The following CFAP54 variants were observed in gnomAD, a reference collection of about 807,000 sequenced individuals.
The protein encoded by CFAP54 is cilia and flagella associated protein 54.
Under a neutral mutation model 370.4 loss-of-function variants are expected in CFAP54, and 290 were observed. The observed-to-expected ratio is 0.78, with a 90% CI of 0.71 to 0.86. CFAP54 has a LOEUF of 0.86. CFAP54 is among the 40% of genes least tolerant of loss of function. CFAP54 has a pLI of 0.00. For synonymous variants in CFAP54, 1,206 were observed against 1,236.5 expected (o/e 0.98, Z 0.52); for missense variants, 3,399 against 3,528.7 (o/e 0.96, Z 0.93).
At chr12:96,645,437 A>G (rs1028417024) in intron 33 of CFAP54, 10 of 213,830 alleles carry the variant, frequency 4.7e-5, no homozygotes, top group South Asian at 2.1e-4. Context: ...CCACTGCTCA[A>G]TGAAATAAAA....
At chr12:96,542,758 G>A (rs1218734778) in intron 14 of CFAP54, among the ~76,000 whole-genome samples, 2 of 152,118 alleles carry the variant, frequency 1.3e-5, no homozygotes, top group Non-Finnish European at 2.9e-5. Context: ...GAATAATTCC[G>A]ATGTCCCTGA....
chr12:96,506,695 T>C (rs959194411), intron 3 of CFAP54, among the ~76,000 whole-genome samples: 3 of 151,522 alleles, frequency 2.0e-5, no homozygotes, highest in South Asian at 4.2e-4. Flanking sequence ...CAAACGATTC[T>C]CCTGCCTCAG....
At chr12:96,557,202 G>A (rs1050787447) in intron 17 of CFAP54, among the ~76,000 whole-genome samples, 5 of 152,118 alleles carry the variant, frequency 3.3e-5, no homozygotes, top group Non-Finnish European at 5.9e-5. Flanking sequence ...CAAAGGCAAC[G>A]ATGACCAATT....
chr12:96,779,004 G>T (rs1958553794), intron 60 of CFAP54, among the ~76,000 whole-genome samples: 1 of 151,850 alleles, frequency 6.6e-6, no homozygotes, highest in Non-Finnish European at 1.5e-5. Context: ...GTTACTGGGA[G>T]GCTGAGGCAG....
chr12:96,507,156 T>G, intron 4 of CFAP54, 57 bp downstream of exon 4: 1 of 1,315,904 alleles, frequency 7.6e-7, no homozygotes, highest in Non-Finnish European at 1.0e-6. Context: ...ACTTCAATGC[T>G]AAGTTTGACA....
chr12:96,664,104 A>G (rs1957028601), intron 39 of CFAP54, among the ~76,000 whole-genome samples, 172 bp downstream of exon 39: 1 of 152,232 alleles, frequency 6.6e-6, no homozygotes, highest in African/African-American at 2.4e-5. Flanking sequence ...TATAAATGTT[A>G]CTTAAGGGGG....
At chr12:96,745,877 A>G (rs745629762) in intron 55 of CFAP54, among the ~76,000 whole-genome samples, 11 of 152,230 alleles carry the variant, frequency 7.2e-5, no homozygotes, top group Non-Finnish European at 1.3e-4. Flanking sequence ...ATGTTCCTTC[A>G]CAATACTCTA....
chr12:96,825,805 T>C (rs1226684333), intron 65 of CFAP54, among the ~76,000 whole-genome samples: 2 of 130,682 alleles, frequency 1.5e-5, no homozygotes, highest in Admixed American at 8.3e-5. Context: ...ATATTACATA[T>C]TATAATATAT....
At chr12:96,568,589 CT>C (rs1955884386) in intron 19 of CFAP54, among the ~76,000 whole-genome samples, 1 of 152,130 alleles carries the variant, frequency 6.6e-6, no homozygotes, top group Non-Finnish European at 1.5e-5. Flanking sequence ...ATTTATTTCC[CT>C]TGGCAATCAT....
At chr12:96,522,409 C>T (rs1202034298) in intron 8 of CFAP54, among the ~76,000 whole-genome samples, 2 of 152,186 alleles carry the variant, frequency 1.3e-5, no homozygotes, top group East Asian at 3.8e-4. Context: ...AGTTTTGCAG[C>T]CTTAAAGAAC....
At chr12:96,679,430 G>GAAA (rs376587075) in intron 39 of CFAP54, among the ~76,000 whole-genome samples, 170 bp from the exon 40 acceptor site, 1 of 145,622 alleles carries the variant, frequency 6.9e-6, no homozygotes, top group South Asian at 2.2e-4. Context: ...TATACTAAAA[G>GAAA]AAAAAAAAAA....
At chr12:96,575,196 G>A (rs1043149187) in intron 19 of CFAP54, among the ~76,000 whole-genome samples, 1 of 151,892 alleles carries the variant, frequency 6.6e-6, no homozygotes, top group Admixed American at 6.6e-5. Flanking sequence ...CACATTCTTT[G>A]CCCATATTTA....
chr12:96,872,689 A>G (rs1272306956), intron 67 of CFAP54, among the ~76,000 whole-genome samples: 1 of 152,170 alleles, frequency 6.6e-6, no homozygotes, highest in Non-Finnish European at 1.5e-5. Flanking sequence ...AGGTGCCTTG[A>G]TTAGAAAGGT....
At chr12:96,721,333 G>A (rs1263882488) in intron 50 of CFAP54, among the ~76,000 whole-genome samples, 1 of 152,140 alleles carries the variant, frequency 6.6e-6, no homozygotes, top group Non-Finnish European at 1.5e-5. Context: ...GCAATTGTTA[G>A]TGTCAGCTCT....
At chr12:96,692,186 T>C (rs1390504784) in intron 44 of CFAP54, among the ~76,000 whole-genome samples, 1 of 152,196 alleles carries the variant, frequency 6.6e-6, no homozygotes, top group Non-Finnish European at 1.5e-5. Flanking sequence ...TGTTAACTTA[T>C]AAAACCATGT....
chr12:96,750,416 C>T (rs12368769), intron 55 of CFAP54, among the ~76,000 whole-genome samples: 47,434 of 152,176 alleles, frequency 0.31, 8,393 homozygotes, highest in Middle Eastern at 0.38. Flanking sequence ...CTGTTCCTCC[C>T]TCTCGTTATT....
At chr12:96,811,327 G>A (rs1958925895) in intron 63 of CFAP54, among the ~76,000 whole-genome samples, 2 of 152,134 alleles carry the variant, frequency 1.3e-5, no homozygotes, top group Middle Eastern at 3.2e-3. Context: ...GGAGAGAAGA[G>A]GAAGGCAACA....
At chr12:96,863,154 T>TGGAC (rs1032139650) in intron 67 of CFAP54, among the ~76,000 whole-genome samples, 1 of 10,160 alleles carries the variant, frequency 9.8e-5, no homozygotes, top group African/African-American at 1.5e-4. Context: ...CTATATTTGT[T>TGGAC]GGATGGATGG....
At chr12:96,665,317 A>C (rs527271132) in intron 39 of CFAP54, among the ~76,000 whole-genome samples, 2 of 152,096 alleles carry the variant, frequency 1.3e-5, no homozygotes, top group Non-Finnish European at 2.9e-5. Flanking sequence ...AAAGCTGTTT[A>C]GTTTAATTAG....
Sources: gnomAD v4.1 joint callset for allele counts (sites outside exome capture counted in the v4.1 genomes callset) on GRCh38, gnomAD v4.1.1 for gene constraint, MANE v1.5 for transcripts, NCBI Gene and HGNC (gene_info 2026-07-23, HGNC 2026-07-21) for gene names.